ZPBP: variants seen among roughly 807,000 people sequenced by gnomAD.
The protein encoded by ZPBP is zona pellucida-binding protein 1.
In ZPBP, 26 loss-of-function variants were observed where a neutral mutation model predicts 44.8. That is an observed-to-expected ratio of 0.58 (90% confidence interval 0.43 to 0.81). The LOEUF is 0.81. Among genes scored for constraint, ZPBP ranks in the 30% least tolerant of loss-of-function variants. The probability of loss-of-function intolerance (pLI) is 0.00; values close to 1 mark genes in which losing one functional copy is unlikely to be tolerated. For missense variants in ZPBP, 409 were observed against 434.0 expected (o/e 0.94, Z 0.51); for synonymous variants, 174 against 153.2 (o/e 1.14, Z -1.00).
At position 50,081,767 on chromosome 7, in the gene ZPBP, A is replaced by C; in HGVS notation, c.334+7T>G. ...ATTTAATTACAATAATTGAAACAAAATCCTACCTGAAACAACTTTTCCTTT... is the reference window on the plus strand; with the variant it reads ...ATTTAATTACAATAATTGAAACAAACTCCTACCTGAAACAACTTTTCCTTT... On this transcript the variant is annotated splice_region_variant and intron_variant, in intron 3 of 7. Transcript: ENST00000046087. 2 of 1,610,694 alleles carry C rather than the reference A, an allele frequency of 1.2e-6. No individual in the cohort carries two copies. The highest frequency in any genetic ancestry group is 1.7e-6 in the Non-Finnish European group (2 of 1,177,804).
chr7:50,014,957 C>A lies in ZPBP; in HGVS notation c.783+3283G>T, dbSNP rs865893024. On this transcript the variant is annotated intron_variant, in intron 6 of 7. Transcript: ENST00000046087. ...ATGAAAAGGTACTAAAGTTGAAAGG[C>A]AAATGAGACCAACAATGAGACAAAT... Among the ~76,000 whole-genome samples, 21 of 152,148 alleles carry A rather than the reference C, an allele frequency of 1.4e-4. No individual in the cohort carries two copies. The Middle Eastern group carries it at 0.014, about 99-fold the overall frequency.
rs185935590 is a variant in ZPBP, at chr7:50,089,825, G to A, written c.128-116C>T. ...GGAGAGCCATAATTCAATCTCCTCT[G>A]ACAGTTGATATCACTGTTCCAACTC... On this transcript the variant is annotated intron_variant, in intron 1 of 7. Transcript: ENST00000046087. 39 of 784,456 alleles carry A rather than the reference G, an allele frequency of 5.0e-5. No individual in the cohort carries two copies. The African/African-American group carries it at 5.9e-4, about 12-fold the overall frequency. The allele number at this position is 784,456 out of a possible 1,614,324, so 48.6% of individuals were successfully genotyped here.
intron 3 of ZPBP, among the ~76,000 whole-genome samples, chr7:50,071,557 A>T (rs1200380211): frequency 6.6e-6 from 1 of 152,088 alleles, no homozygotes; most frequent in Admixed American, 6.5e-5. Flanking sequence ...GAGGGCTGGC[A>T]TCACCCCTCC....
chr7:50,091,828 A>G (rs1175531929), intron 1 of ZPBP, among the ~76,000 whole-genome samples: 1 of 152,258 alleles, frequency 6.6e-6, no homozygotes, highest in African/African-American at 2.4e-5. Context: ...AATAGCCTTT[A>G]GCAGACAGGA....
chr7:49,934,830 T>C (rs1035883869), downstream of ZPBP, among the ~76,000 whole-genome samples: 4 of 152,144 alleles, frequency 2.6e-5, no homozygotes, highest in Non-Finnish European at 4.4e-5. Context: ...ATCTTACATA[T>C]TTATAATAAG....
chr7:49,994,132 C>A (rs1797697231), intron 6 of ZPBP, among the ~76,000 whole-genome samples: 1 of 152,206 alleles, frequency 6.6e-6, no homozygotes, highest in Admixed American at 6.5e-5. Flanking sequence ...TCACATCTGG[C>A]CATTATTCGT....
intron 7 of ZPBP, among the ~76,000 whole-genome samples, chr7:49,981,378 A>T (rs759970222): frequency 0.38 from 12,544 of 33,146 alleles, 1,776 homozygotes; most frequent in Non-Finnish European, 0.42. Flanking sequence ...TATATATATT[A>T]TATATAATTA....
chr7:50,049,815 C>T (rs1800594615), intron 4 of ZPBP, among the ~76,000 whole-genome samples: 1 of 151,652 alleles, frequency 6.6e-6, no homozygotes, highest in South Asian at 2.1e-4. Flanking sequence ...GTCCTAGGCT[C>T]CTCAATAAAA....
At chr7:50,003,003 C>T (rs1009939903) in intron 6 of ZPBP, among the ~76,000 whole-genome samples, 1 of 152,038 alleles carries the variant, frequency 6.6e-6, no homozygotes, top group Non-Finnish European at 1.5e-5. Flanking sequence ...TGTGTTATTC[C>T]AAAGCTAAAA....
chr7:50,026,635 T>TA (rs1335299807), intron 5 of ZPBP, among the ~76,000 whole-genome samples: 1 of 151,790 alleles, frequency 6.6e-6, no homozygotes, highest in Non-Finnish European at 1.5e-5. Flanking sequence ...ACCCCAAGGT[T>TA]AAGAAAACAA....
At chr7:49,946,170 G>A (rs1220010785) in intron 7 of ZPBP, among the ~76,000 whole-genome samples, 7 of 151,974 alleles carry the variant, frequency 4.6e-5, no homozygotes, top group Non-Finnish European at 1.0e-4. Flanking sequence ...AGTATACAGT[G>A]TTGTGAAAAG....
At chr7:49,891,540 C>T (rs368574934) in intron 2 of ZPBP, among the ~76,000 whole-genome samples, 3 of 152,230 alleles carry the variant, frequency 2.0e-5, no homozygotes, top group East Asian at 3.9e-4. Context: ...AACAATCAGT[C>T]ATCAAGGAAA....
At chr7:49,933,292 C>T (rs1794508768), downstream of ZPBP, among the ~76,000 whole-genome samples, 1 of 58,728 alleles carries the variant, frequency 1.7e-5, no homozygotes, top group South Asian at 4.3e-4. Context: ...GTGATATTTT[C>T]CCCTGACTTC....
chr7:50,070,314 T>C (rs1304183410), intron 3 of ZPBP, among the ~76,000 whole-genome samples: 1 of 152,160 alleles, frequency 6.6e-6, no homozygotes, highest in Non-Finnish European at 1.5e-5. Context: ...GTGATCAAAC[T>C]CCCCTTCATC....
chr7:49,880,099 T>C (rs1791603237), intron 2 of ZPBP, among the ~76,000 whole-genome samples: 1 of 152,356 alleles, frequency 6.6e-6, no homozygotes, highest in African/African-American at 2.4e-5. Context: ...TAACTCCCGT[T>C]AGATTTTGAC....
At chr7:49,892,031 ATTTTTTTTTTTTTTTTTTT>A (rs536880676) in intron 2 of ZPBP, among the ~76,000 whole-genome samples, 1 of 53,202 alleles carries the variant, frequency 1.9e-5, no homozygotes, top group African/African-American at 7.4e-5. Context: ...GACAAAGTAG[ATTTTTTTTTTTTTTTTTTT>A]TTTTTTTTTT....
intron 7 of ZPBP, among the ~76,000 whole-genome samples, chr7:49,947,670 T>C (rs995219250): frequency 1.3e-5 from 2 of 152,234 alleles, no homozygotes; most frequent in Non-Finnish European, 1.5e-5. Flanking sequence ...GAAGCCAGCA[T>C]AGCATTGGGT....
intron 7 of ZPBP, chr7:49,943,943 C>A: frequency 3.1e-6 from 1 of 322,946 alleles, no homozygotes; most frequent in Non-Finnish European, 6.0e-6. Flanking sequence ...GACATTTCAG[C>A]ATTTTCTAGA....
intron 6 of ZPBP, among the ~76,000 whole-genome samples, chr7:50,004,000 G>A (rs1219414918): frequency 6.6e-6 from 1 of 151,982 alleles, no homozygotes; most frequent in Admixed American, 6.6e-5. Context: ...AACAAAATTA[G>A]AATAATAATA....
Sources: gnomAD v4.1 joint callset for allele counts (sites outside exome capture counted in the v4.1 genomes callset) on GRCh38, gnomAD v4.1.1 for gene constraint, MANE v1.5 for transcripts, NCBI Gene and HGNC (gene_info 2026-07-23, HGNC 2026-07-21) for gene names.